The following KCNH1 variants were observed in gnomAD, a reference collection of about 807,000 sequenced individuals.
KCNH1 encodes the protein voltage-gated delayed rectifier potassium channel KCNH1.
Under a neutral mutation model 69.2 loss-of-function variants are expected in KCNH1, and 27 were observed. That is an observed-to-expected ratio of 0.39 (90% CI 0.29 to 0.54). The LOEUF is 0.54. KCNH1 is among the 20% of genes least tolerant of loss of function. The pLI, the probability that KCNH1 is intolerant of heterozygous loss-of-function variation, is 0.68. For missense variants in KCNH1, 798 were observed against 1,261.6 expected, an observed-to-expected ratio of 0.63 and a Z score of 5.57; for synonymous variants, 456 against 487.7, an observed-to-expected ratio of 0.93 and a Z score of 0.86.
chr1:211,133,778 T>C lies in KCNH1; in HGVS notation c.79+89A>G, dbSNP rs1209795287. The C allele has an allele frequency of 4.0e-6, 5 of 1,244,800 alleles. No homozygotes were observed. Among genetic ancestry groups the C allele is most frequent in the Admixed American group, 1.8e-5 (1 of 55,216 alleles). 77.1% of individuals were successfully genotyped at this position (1,244,800 alleles called of 1,614,324 possible). ...CCTTAGCAGAGCTCGCGGGTTCTGC[T>C]GCATCTGCTGGCTCCGAGCGGCGAG... On this transcript the variant is annotated intron_variant, in intron 1 of 10. Coordinates refer to ENST00000271751, the MANE Select transcript of KCNH1 (RefSeq NM_172362.3). The surrounding 1 kb of genome is among the most constrained non-coding windows in gnomAD (Gnocchi z 5.4).
intron 9 of KCNH1, among the ~76,000 whole-genome samples, chr1:210,791,649 A>G (rs2102393021): frequency 6.6e-6 from 1 of 152,284 alleles, no homozygotes; most frequent in African/African-American, 2.4e-5. Flanking sequence ...CACTCCAAGA[A>G]GTCTATAGAA....
chr1:210,789,602 C>A (rs528108958), intron 9 of KCNH1, among the ~76,000 whole-genome samples: 1 of 152,152 alleles, frequency 6.6e-6, no homozygotes, highest in South Asian at 2.1e-4. Flanking sequence ...CTCTCAATAC[C>A]CCTTTGAAAA....
At chr1:211,100,111 C>T (rs1435660933) in intron 3 of KCNH1, among the ~76,000 whole-genome samples, 3 of 152,184 alleles carry the variant, frequency 2.0e-5, no homozygotes, top group Admixed American at 1.3e-4. Context: ...ATCCTCCTCC[C>T]TCAGCCTCCA....
At chr1:210,846,469 A>G (rs1387648907) in intron 7 of KCNH1, among the ~76,000 whole-genome samples, 1 of 152,160 alleles carries the variant, frequency 6.6e-6, no homozygotes, top group South Asian at 2.1e-4. Flanking sequence ...GAGAAAAACA[A>G]GCAATGGGGA....
At chr1:210,706,636 A>ATCTT (rs1681919938) in intron 10 of KCNH1, among the ~76,000 whole-genome samples, 1 of 152,236 alleles carries the variant, frequency 6.6e-6, no homozygotes, top group African/African-American at 2.4e-5. Context: ...GGGTAATGAT[A>ATCTT]TCTTTGAGGC....
At chr1:210,757,120 C>T (rs770919578) in intron 10 of KCNH1, among the ~76,000 whole-genome samples, 2 of 152,150 alleles carry the variant, frequency 1.3e-5, no homozygotes, top group Non-Finnish European at 2.9e-5. Context: ...GGCCAATGGG[C>T]CCTTTGTAGC....
intron 5 of KCNH1, among the ~76,000 whole-genome samples, chr1:211,054,371 G>A (rs974690523): frequency 4.0e-5 from 6 of 151,882 alleles, no homozygotes; most frequent in African/African-American, 1.2e-4. Flanking sequence ...TCAGAGAGAC[G>A]GAATAAATAA....
rs1399410757 is a variant in KCNH1, at chr1:210,920,058, G to A, written c.1044C>T (p.Ser348=). The A allele has an allele frequency of 1.9e-6, 3 of 1,612,198 alleles. No individual in the cohort carries two copies. The highest frequency in any genetic ancestry group is 2.7e-5 in the African/African-American group (2 of 74,896). The part of the protein sequence containing the change: ...LEGRESQGIS[S]LFSSLKVVRL... ...GGACAACTTTTAGAGAGCTGAACAG[G>A]CTGCTGATGCCCTGGGAGAAGAGGA... is the stretch of plus-strand genomic sequence containing the variant. The change falls in exon 7 of 11, where the codon AGC becomes AGT. Residue 348 remains serine, a synonymous_variant. Transcript: ENST00000271751.
chr1:211,017,417 C>T (rs57821233), intron 6 of KCNH1, among the ~76,000 whole-genome samples: 10,082 of 152,158 alleles, frequency 0.066, 874 homozygotes, highest in African/African-American at 0.2. Flanking sequence ...GTGTCTTGAG[C>T]CTCAACTTGG....
At position 211,006,837 on chromosome 1, in the gene KCNH1, G is replaced by T. The variant is rs186887613; in HGVS notation, c.1032+11946C>A. On this transcript the variant is annotated intron_variant, in intron 6 of 10. Coordinates refer to ENST00000271751, the MANE Select transcript of KCNH1 (RefSeq NM_172362.3). ...AATCATTTAAGTTTCTGCTATAAAA[G>T]AATTTTTAATGTCATAAAAAGGGAA... 5.1e-3 allele frequency among the ~76,000 whole-genome samples: 775 copies of T among 151,936 alleles called. 10 individuals are homozygous for T. Among genetic ancestry groups the T allele is most frequent in the African/African-American group, 0.018 (736 of 41,436 alleles).
In KCNH1 at chr1:210,716,205, G is replaced by T. The variant is rs547254945; in HGVS notation, c.2113-32067C>A. ...TCCCAGCACTTTGGGAGGCTGAGGC[G>T]GGTGGATCACGAGGTCAGAAGATCG... On this transcript the variant is annotated intron_variant, in intron 10 of 10. Coordinates refer to ENST00000271751, the MANE Select transcript of KCNH1 (RefSeq NM_172362.3). Among the ~76,000 whole-genome samples, 3 of 151,884 alleles carry T rather than the reference G, an allele frequency of 2.0e-5. No homozygotes were observed. In the South Asian group the frequency reaches 6.2e-4, roughly 32 times the overall value.
intron 4 of KCNH1, among the ~76,000 whole-genome samples, chr1:211,088,867 A>G (rs1309036040): frequency 6.6e-6 from 1 of 152,226 alleles, no homozygotes; most frequent in African/African-American, 2.4e-5. Context: ...TCTTATCAGC[A>G]AAGAAATGCA....
intron 10 of KCNH1, among the ~76,000 whole-genome samples, chr1:210,746,674 C>T (rs1558452319): frequency 1.3e-5 from 2 of 152,040 alleles, no homozygotes; most frequent in South Asian, 2.1e-4. Context: ...CAGCCTCCTG[C>T]GTAGCTGGAT....
intron 6 of KCNH1, among the ~76,000 whole-genome samples, chr1:211,002,870 G>A (rs114576401): frequency 6.6e-6 from 1 of 152,138 alleles, no homozygotes; most frequent in Non-Finnish European, 1.5e-5. Context: ...GAATTCCGGA[G>A]CAAAGAGAAT....
intron 6 of KCNH1, among the ~76,000 whole-genome samples, chr1:210,966,130 G>T (rs1486414866): frequency 2.0e-5 from 3 of 152,108 alleles, no homozygotes; most frequent in Non-Finnish European, 4.4e-5. Context: ...ACAAGAAATG[G>T]GGAAAAGGTT....
chr1:210,849,455 C>T (rs1165014572), intron 7 of KCNH1, among the ~76,000 whole-genome samples: 1 of 151,412 alleles, frequency 6.6e-6, no homozygotes, highest in Non-Finnish European at 1.5e-5. Flanking sequence ...CAACCTCCAC[C>T]TCCCGGGTTC....
At chr1:210,841,864 G>A (rs1685420128) in intron 7 of KCNH1, among the ~76,000 whole-genome samples, 1 of 152,104 alleles carries the variant, frequency 6.6e-6, no homozygotes, top group Non-Finnish European at 1.5e-5. Flanking sequence ...CAGAGACTTG[G>A]TGTTGTCTTT....
chr1:211,063,088 A>G (rs888767859), intron 5 of KCNH1, among the ~76,000 whole-genome samples: 10 of 152,264 alleles, frequency 6.6e-5, no homozygotes, highest in Non-Finnish European at 1.3e-4. Context: ...ATGGGTAAAC[A>G]AAATGTGGTA....
Position 210,683,860 on chromosome 1 carries a change from G to A in KCNH1, c.2391C>T (p.Pro797=), listed in dbSNP as rs182376141. The A allele has an allele frequency of 2.5e-5, 40 of 1,614,078 alleles. No individual in the cohort carries two copies. The South Asian group carries it at 2.6e-4, about 11-fold the overall frequency. ...VVTVRESPAT[P]VSFQAASTSG... is the part of the protein sequence containing the mutation. Reference sequence around the variant, plus strand: ...AGGTGGAGGCTGCCTGGAAGGATACGGGCGTGGCAGGACTCTCACGCACGG... The same window carrying A: ...AGGTGGAGGCTGCCTGGAAGGATACAGGCGTGGCAGGACTCTCACGCACGG... The change falls in exon 11 of 11, where the codon CCC becomes CCT. Residue 797 remains proline (P), a synonymous_variant. Transcript: ENST00000271751. This position sits in a 1 kb window ranked among gnomAD's most constrained non-coding sequence, Gnocchi z 5.7.
Sources: gnomAD v4.1 joint callset for allele counts (sites outside exome capture counted in the v4.1 genomes callset) on GRCh38, gnomAD v4.1.1 for gene constraint, Gnocchi (gnomAD v3.1) non-coding constraint, MANE v1.5 for transcripts, NCBI Gene and HGNC (gene_info 2026-07-23, HGNC 2026-07-21) for gene names.